The following SYNE1 variants were observed in gnomAD, a reference collection of about 807,000 sequenced individuals.
The protein encoded by SYNE1 is spectrin repeat containing nuclear envelope protein 1, also known as nesprin-1.
SYNE1 carries 616 observed loss-of-function variants against 1,111.0 expected under a neutral mutation model. The ratio of observed to expected loss-of-function variants is 0.55; its 90% CI spans 0.52 to 0.59. The LOEUF (loss-of-function observed/expected upper bound fraction) is 0.59, where lower values mean the gene tolerates loss of function less well. Among genes scored for constraint, SYNE1 ranks in the 20% least tolerant of loss-of-function variants. The pLI is 0.00. For synonymous variants in SYNE1, 3,855 were observed against 3,825.8 expected, an observed-to-expected ratio of 1.01 and a Z score of -0.28; for missense variants, 10,006 against 10,417.0, an observed-to-expected ratio of 0.96 and a Z score of 1.72.
chr6:152,428,486 C>T, intron 36 of SYNE1, 94 bp from the exon 37 acceptor site: 1 of 1,254,026 alleles, frequency 8.0e-7, no homozygotes, highest in Admixed American at 1.8e-5. Context: ...TATTTTCCCT[C>T]AGTCATAATA....
chr6:152,369,335 C>T (rs2097138204), intron 60 of SYNE1, 136 bp downstream of exon 60: 1 of 1,443,166 alleles, frequency 6.9e-7, no homozygotes, highest in South Asian at 1.2e-5. Flanking sequence ...ATAAAATCCA[C>T]CAGAAATGGG....
chr6:152,409,445 C>T, intron 43 of SYNE1, 114 bp downstream of exon 43: 1 of 1,418,620 alleles, frequency 7.0e-7, no homozygotes, highest in Non-Finnish European at 9.7e-7. Flanking sequence ...AGCTCATTAG[C>T]ATGAATTACC....
intron 61 of SYNE1, chr6:152,368,642 G>C (rs1345070185): frequency 3.8e-6 from 1 of 260,088 alleles, no homozygotes; most frequent in Non-Finnish European, 7.5e-6. Context: ...AAAAAATCAT[G>C]TTTATGATTT....
chr6:152,632,775 C>T (rs2099700044), intron 2 of SYNE1, among the ~76,000 whole-genome samples: 1 of 152,136 alleles, frequency 6.6e-6, no homozygotes, highest in Non-Finnish European at 1.5e-5. Flanking sequence ...TTAATTTTAT[C>T]CTGCTTAAAT....
In SYNE1 at chr6:152,455,868, G is replaced by A. The variant is rs1464497945; in HGVS notation, c.2727+18C>T. Reference sequence around the variant, plus strand: ...ATTTTCCCTGGCTCACAGCTCTAAAGCAGGGAGAGCAAATTACCTGAAAAG... The same window carrying A: ...ATTTTCCCTGGCTCACAGCTCTAAAACAGGGAGAGCAAATTACCTGAAAAG... On this transcript the variant is annotated intron_variant, in intron 23 of 145. Coordinates refer to ENST00000367255, the MANE Select transcript of SYNE1 (RefSeq NM_182961.4). 1 of 1,613,890 alleles carries A rather than the reference G, an allele frequency of 6.2e-7. No homozygotes were observed. Among genetic ancestry groups the A allele is most frequent in the East Asian group, 2.2e-5 (1 of 44,848 alleles).
intron 117 of SYNE1, among the ~76,000 whole-genome samples, chr6:152,221,947 T>G (rs897387170): frequency 7.2e-5 from 11 of 152,200 alleles, no homozygotes; most frequent in Non-Finnish European, 1.6e-4. Context: ...CTTTCTTGTT[T>G]CTGGCCTGTG....
At chr6:152,433,398 T>C (rs1244064921) in intron 34 of SYNE1, 3 of 229,826 alleles carry the variant, frequency 1.3e-5, no homozygotes, top group Non-Finnish European at 2.6e-5. Context: ...TGTGGGTAAG[T>C]ACCACTAATA....
intron 77 of SYNE1, among the ~76,000 whole-genome samples, chr6:152,333,778 A>T (rs1231519290): frequency 6.6e-6 from 1 of 151,990 alleles, no homozygotes; most frequent in African/African-American, 2.4e-5. Context: ...GATTACAAGC[A>T]TGCACCACCA....
chr6:152,294,014 G>A lies in SYNE1; in HGVS notation c.17796C>T (p.Ser5932=), dbSNP rs531884117. The change falls in exon 94 of 146, where the codon TCC becomes TCT. Residue 5932 remains serine (S), a synonymous_variant. Transcript: ENST00000367255. The part of the protein sequence containing the change: ...QEFYEPGLEP[S]ATAKLGDLQR... The stretch of plus-strand genomic sequence containing the variant: ...GCAAATCACCCAGTTTGGCAGTAGC[G>A]GATGGCTCCAATCCCGGTTCATAGA... The A allele has an allele frequency of 1.6e-5, 26 of 1,614,068 alleles. No homozygotes were observed. Among genetic ancestry groups the A allele is most frequent in the South Asian group, 7.7e-5 (7 of 91,078 alleles).
chr6:152,262,088 A>G lies in SYNE1; in HGVS notation c.18916T>C (p.Phe6306Leu). The G allele has an allele frequency of 6.2e-7, 1 of 1,613,886 alleles. No individual in the cohort carries two copies. Among genetic ancestry groups the G allele is most frequent in the Non-Finnish European group, 8.5e-7 (1 of 1,179,980 alleles). ...TGTAGTAGTTTCTGCTTGGTACTAA[A>G]TTCTTGATGTAGGCTTTCCCATTTC... ...RMKWESLHQE[F>L]STKQKLLQNV... Residue 6306 changes from phenylalanine (F) to leucine (L), a missense_variant, in exon 101 of 146, where the codon TTT becomes CTT. Phe to Leu is a conservative substitution (Grantham distance 22). This residue lies in a region of SYNE1 where 2,182 missense variants were observed against 2,287.8 expected (regional missense o/e 0.95). Coordinates refer to ENST00000367255, the MANE Select transcript of SYNE1 (RefSeq NM_182961.4).
intron 115 of SYNE1, among the ~76,000 whole-genome samples, chr6:152,227,628 T>A (rs185714153): frequency 6.6e-6 from 1 of 152,298 alleles, no homozygotes; most frequent in Admixed American, 6.5e-5. Flanking sequence ...TGTAAAGAGA[T>A]TAAAAGACCA....
intron 131 of SYNE1, among the ~76,000 whole-genome samples, chr6:152,156,409 G>A (rs764367327): frequency 2.2e-4 from 34 of 152,212 alleles, no homozygotes; most frequent in African/African-American, 6.5e-4. Flanking sequence ...TCTACTTCAC[G>A]AATACATCAC....
chr6:152,364,471 TTA>T (rs1256297130), intron 63 of SYNE1, among the ~76,000 whole-genome samples: 1 of 152,074 alleles, frequency 6.6e-6, no homozygotes, highest in Non-Finnish European at 1.5e-5. Context: ...TTTTGTATTT[TTA>T]TGTTAGCAAC....
At chr6:152,573,009 AT>A (rs907441061) in intron 3 of SYNE1, among the ~76,000 whole-genome samples, 2 of 152,120 alleles carry the variant, frequency 1.3e-5, no homozygotes, top group African/African-American at 4.8e-5. Context: ...TTCACACCTC[AT>A]TGTCAACTGC....
chr6:152,193,448 G>T (rs940807573), intron 127 of SYNE1, among the ~76,000 whole-genome samples: 2 of 152,024 alleles, frequency 1.3e-5, no homozygotes, highest in East Asian at 1.9e-4. Context: ...CTCCCGAGTA[G>T]CAGGGACTAC....
In SYNE1 at chr6:152,332,002, C is replaced by T. The variant is rs13218956; in HGVS notation, c.12795-112G>A. On this transcript the variant is annotated intron_variant, in intron 77 of 145. Coordinates refer to ENST00000367255, the MANE Select transcript of SYNE1 (RefSeq NM_182961.4). ...TTTTCTTTTTGGAGACTGAGTTTTG[C>T]TCTTGTTTCCCAGGCTGGAGTGCAA... The T allele has an allele frequency of 0.15, 230,770 of 1,492,402 alleles. 19,832 individuals carry two copies. Among genetic ancestry groups the T allele is most frequent in the African/African-American group, 0.25 (18,440 of 72,620 alleles). 92.4% of individuals were successfully genotyped at this position (1,492,402 alleles called of 1,614,324 possible). A position where few individuals can be genotyped will look rare whatever the true frequency, so the allele number is the denominator to read the frequency against.
At chr6:152,493,490 C>G (rs1351298222) in intron 11 of SYNE1, among the ~76,000 whole-genome samples, 2 of 151,658 alleles carry the variant, frequency 1.3e-5, no homozygotes, top group African/African-American at 4.9e-5. Flanking sequence ...GGGACAGCGC[C>G]CATTACTTCA....
chr6:152,440,383 T>C (rs958523430), intron 32 of SYNE1, among the ~76,000 whole-genome samples: 2 of 152,128 alleles, frequency 1.3e-5, no homozygotes, highest in Non-Finnish European at 2.9e-5. Flanking sequence ...GACTCTGAAA[T>C]ATGGGCCAAA....
chr6:152,363,301 T>G (rs1010100609), intron 63 of SYNE1, among the ~76,000 whole-genome samples: 4 of 147,718 alleles, frequency 2.7e-5, no homozygotes, highest in South Asian at 2.2e-4. Context: ...AAGGCCATCC[T>G]GGCTAACACA....
Sources: gnomAD v4.1 joint callset for allele counts (sites outside exome capture counted in the v4.1 genomes callset) on GRCh38, gnomAD v4.1.1 for gene constraint, gnomAD v4.1.1 regional missense constraint, MANE v1.5 for transcripts, NCBI Gene and HGNC (gene_info 2026-07-23, HGNC 2026-07-21) for gene names.